Variants in ATP2C1 observed in about 807,000 individuals in gnomAD.
ATP2C1 encodes ATPase secretory pathway Ca2+ transporting 1, also known as calcium-transporting ATPase type 2C member 1.
In ATP2C1, 31 loss-of-function variants were observed where a neutral mutation model predicts 120.5. The ratio of observed to expected loss-of-function variants is 0.26; its 90% CI spans 0.19 to 0.35. The LOEUF (loss-of-function observed/expected upper bound fraction) is 0.35. ATP2C1 is among the 10% of genes least tolerant of loss of function. The probability of loss-of-function intolerance (pLI) is 1.00; values close to 1 mark genes in which losing one functional copy is unlikely to be tolerated. For synonymous variants in ATP2C1, 351 were observed against 358.7 expected (o/e 0.98, Z 0.24); for missense variants, 731 against 1,107.5 (o/e 0.66, Z 4.83).
Position 130,950,672 on chromosome 3 carries a change from C to T in ATP2C1, c.532-3149C>T, listed in dbSNP as rs77530643. On this transcript the variant is annotated intron_variant, in intron 8 of 27. Transcript: ENST00000510168. ...GACATTGTAAGATTTAGACAAATTTCATGATCATTTGAGTTTTAGTTGCAA... is the reference window on the plus strand; with the variant it reads ...GACATTGTAAGATTTAGACAAATTTTATGATCATTTGAGTTTTAGTTGCAA... Among the ~76,000 whole-genome samples, 943 of 152,186 alleles carry T rather than the reference C, an allele frequency of 6.2e-3. 7 individuals are homozygous for T. The highest frequency in any genetic ancestry group is 7.7e-3 in the Non-Finnish European group (522 of 67,976).
intron 5 of ATP2C1, among the ~76,000 whole-genome samples, chr3:130,936,664 A>C (rs192166775): frequency 1.4e-4 from 21 of 152,016 alleles, no homozygotes; most frequent in Non-Finnish European, 2.4e-4. Flanking sequence ...TACAAAAAAA[A>C]AAATTAGCTG....
chr3:130,918,376 T>A, intron 2 of ATP2C1: 1 of 1,498,292 alleles, frequency 6.7e-7, no homozygotes, highest in Admixed American at 1.7e-5. Flanking sequence ...CGGAAATAGT[T>A]TTTGTTCCAG....
At chr3:130,941,250 GTGTGTGTGTGTGTGTC>G (rs1270625317) in intron 7 of ATP2C1, among the ~76,000 whole-genome samples, 129 of 149,840 alleles carry the variant, frequency 8.6e-4, no homozygotes, top group African/African-American at 3.1e-3. Context: ...GTGTGTGTGT[GTGTGTGTGTGTGTGTC>G]TGTGTGTGTG....
At position 130,959,346 on chromosome 3, in the gene ATP2C1, G is replaced by A; in HGVS notation, c.899+5G>A. The A allele has an allele frequency of 6.3e-7, 1 of 1,591,234 alleles. No individual in the cohort carries two copies. Among genetic ancestry groups the A allele is most frequent in the Non-Finnish European group, 8.6e-7 (1 of 1,160,150 alleles). ...AATGTTTACTATTAGTGTAAGGTAA[G>A]TCTCAATACTTTATAATTGGAGTCT... is the stretch of plus-strand genomic sequence containing the variant. On this transcript the variant is annotated splice_donor_5th_base_variant and intron_variant, in intron 12 of 27. Coordinates refer to ENST00000510168, the MANE Select transcript of ATP2C1 (RefSeq NM_001378687.1).
chr3:130,902,817 T>G (rs1241994825), intron 2 of ATP2C1, among the ~76,000 whole-genome samples: 4 of 152,042 alleles, frequency 2.6e-5, no homozygotes, highest in African/African-American at 9.7e-5. Flanking sequence ...TGTAAGGTGT[T>G]GAATATTCCC....
downstream of ATP2C1, among the ~76,000 whole-genome samples, chr3:131,005,024 T>A (rs563362110): frequency 6.6e-6 from 1 of 151,874 alleles, no homozygotes; most frequent in South Asian, 2.1e-4. Flanking sequence ...GGAGACCAAT[T>A]AGAAAATCAA....
Position 131,001,620 on chromosome 3 carries a change from A to G in ATP2C1, c.*270A>G. The G allele has an allele frequency of 8.9e-7, 1 of 1,120,886 alleles. No individual in the cohort carries two copies. Among genetic ancestry groups the G allele is most frequent in the Non-Finnish European group, 1.1e-6 (1 of 912,012 alleles). The allele number at this position is 1,120,886 out of a possible 1,614,324, so 69.4% of individuals were successfully genotyped here. A position where few individuals can be genotyped will look rare whatever the true frequency, so the allele number is the denominator to read the frequency against. On this transcript the variant is annotated 3_prime_UTR_variant, in exon 28 of 28. Transcript: ENST00000510168. ...TGGTCAGTTATTTAATTAAAAAGGCAAAACCTGAACCACCTTCTGCACTTA... is the reference window on the plus strand; with the variant it reads ...TGGTCAGTTATTTAATTAAAAAGGCGAAACCTGAACCACCTTCTGCACTTA...
intron 12 of ATP2C1, 39 bp downstream of exon 12, chr3:130,959,380 T>C: frequency 1.4e-6 from 2 of 1,382,974 alleles, no homozygotes; most frequent in South Asian, 1.2e-5. Context: ...CTCTTTTGCC[T>C]CTTTTATTTC....
intron 8 of ATP2C1, among the ~76,000 whole-genome samples, chr3:130,947,517 G>A (rs1479115121): frequency 6.6e-6 from 1 of 152,100 alleles, no homozygotes; most frequent in Non-Finnish European, 1.5e-5. Flanking sequence ...CATATAAGTA[G>A]AATCATACAA....
chr3:130,991,154 CAGG>C (rs906831058), intron 20 of ATP2C1, among the ~76,000 whole-genome samples: 10 of 151,980 alleles, frequency 6.6e-5, no homozygotes, highest in Non-Finnish European at 8.8e-5. Flanking sequence ...CAAGAGGGAT[CAGG>C]AGAAGTCTGT....
intron 6 of ATP2C1, among the ~76,000 whole-genome samples, chr3:130,939,898 C>G (rs1178550423): frequency 6.6e-6 from 1 of 152,118 alleles, no homozygotes; most frequent in Non-Finnish European, 1.5e-5. Context: ...CTCTTTTGAC[C>G]TTAGATTAGA....
At chr3:131,003,279 G>A (rs763298169), downstream of ATP2C1, 2 of 572,284 alleles carry the variant, frequency 3.5e-6, no homozygotes, top group Non-Finnish European at 4.4e-6. Context: ...AAAAGAAGTT[G>A]AATGTACAGT....
chr3:130,915,314 G>A (rs1464629888), intron 2 of ATP2C1, among the ~76,000 whole-genome samples: 4 of 151,914 alleles, frequency 2.6e-5, no homozygotes, highest in African/African-American at 9.7e-5. Flanking sequence ...GGCTGGTCTC[G>A]AACTCCTGAC....
chr3:130,918,203 G>C (rs913344497), intron 2 of ATP2C1: 4 of 1,272,832 alleles, frequency 3.1e-6, no homozygotes, highest in Non-Finnish European at 4.6e-6. Context: ...GTGATGCTTG[G>C]TTCTGGGTTT....
intron 20 of ATP2C1, among the ~76,000 whole-genome samples, chr3:130,992,588 G>C (rs1384959650): frequency 6.6e-6 from 1 of 152,158 alleles, no homozygotes; most frequent in Non-Finnish European, 1.5e-5. Context: ...CAGAACAAAG[G>C]GAAAAGGCTA....
chr3:131,013,279 C>A (rs2063406995), intron 26 of ATP2C1, among the ~76,000 whole-genome samples: 1 of 152,156 alleles, frequency 6.6e-6, no homozygotes, highest in African/African-American at 2.4e-5. Context: ...TACACAATCA[C>A]CTAATACATG....
intron 1 of ATP2C1, among the ~76,000 whole-genome samples, chr3:130,883,945 C>CTTTTTTTTTTTTTTTTTTTTTTT (rs35365168): frequency 4.9e-5 from 6 of 122,434 alleles, no homozygotes; most frequent in Admixed American, 8.8e-5. Context: ...TTCTTTTCTT[C>CTTTTTTTTTTTTTTTTTTTTTTT]TTTTTTTTTT....
chr3:130,984,618 G>C (rs1391765990), intron 20 of ATP2C1, among the ~76,000 whole-genome samples: 1 of 152,114 alleles, frequency 6.6e-6, no homozygotes, highest in Non-Finnish European at 1.5e-5. Context: ...TTTTCAGAGA[G>C]AGCCAATCAT....
chr3:130,886,649 G>C (rs2068979236), intron 1 of ATP2C1, among the ~76,000 whole-genome samples: 1 of 151,938 alleles, frequency 6.6e-6, no homozygotes, highest in Non-Finnish European at 1.5e-5. Flanking sequence ...GCATTCTTTA[G>C]TATTCCAGTT....
Sources: allele counts gnomAD v4.1 joint callset (sites outside exome capture counted in the v4.1 genomes callset), GRCh38; gene constraint gnomAD v4.1.1; transcripts MANE v1.5; gene names NCBI Gene and HGNC (gene_info 2026-07-23, HGNC 2026-07-21).